Variants in PRPSAP1 observed in about 807,000 individuals in gnomAD.
PRPSAP1 encodes phosphoribosyl pyrophosphate synthase-associated protein 1.
PRPSAP1 carries 31 observed loss-of-function variants against 39.4 expected under a neutral mutation model. The ratio of observed to expected loss-of-function variants is 0.79; its 90% CI spans 0.59 to 1.06. The LOEUF (loss-of-function observed/expected upper bound fraction) is 1.06. PRPSAP1 is among the 50% of genes least tolerant of loss of function. PRPSAP1 has a pLI of 0.00. For missense variants in PRPSAP1, 430 were observed against 511.6 expected, an observed-to-expected ratio of 0.84 and a Z score of 1.54; for synonymous variants, 212 against 192.6, an observed-to-expected ratio of 1.10 and a Z score of -0.83.
At chr17:76,315,756 C>T (rs540881340) in intron 7 of PRPSAP1, among the ~76,000 whole-genome samples, 68 of 136,952 alleles carry the variant, frequency 5.0e-4, no homozygotes, top group African/African-American at 1.9e-3. Flanking sequence ...ACTCTGTCTC[C>T]CAGGCTGGAG....
At chr17:76,350,336 G>C (rs927243566) in intron 1 of PRPSAP1, among the ~76,000 whole-genome samples, 3 of 151,610 alleles carry the variant, frequency 2.0e-5, no homozygotes, top group Admixed American at 1.3e-4. Context: ...CTACTCGGGA[G>C]GCTGAGGCAG....
intron 3 of PRPSAP1, among the ~76,000 whole-genome samples, chr17:76,334,933 G>C (rs2071362920): frequency 6.6e-6 from 1 of 152,030 alleles, no homozygotes; most frequent in Non-Finnish European, 1.5e-5. Flanking sequence ...ACATATTTAG[G>C]GGGCAACTTG....
At chr17:76,337,120 A>G (rs1324105560) in intron 3 of PRPSAP1, among the ~76,000 whole-genome samples, 2 of 152,222 alleles carry the variant, frequency 1.3e-5, no homozygotes, top group East Asian at 1.9e-4. Flanking sequence ...AGGTCTCACC[A>G]TGTTGCCCAG....
At chr17:76,330,369 T>C (rs554058067) in intron 5 of PRPSAP1, 182 bp downstream of exon 5, 146 of 607,850 alleles carry the variant, frequency 2.4e-4, no homozygotes, top group Middle Eastern at 8.6e-4. Flanking sequence ...AAAAATCTGT[T>C]TTTAGTGTCT....
rs559578561 is a variant in PRPSAP1, at chr17:76,311,659, C to A, written c.1041G>T (p.Leu347=). ...CCACAGTCTTTATCTTGGGACATTG[C>A]AGCTTCTGAACCTCATGAGGGACAG... ...TNTVPHEVQK[L]QCPKIKTVDI... The change falls in exon 10 of 10, where the codon CTG becomes CTT. Residue 347 remains leucine, a synonymous_variant. Transcript: ENST00000446526. The A allele has an allele frequency of 1.9e-6, 3 of 1,614,080 alleles. No individual in the cohort carries two copies. Among genetic ancestry groups the A allele is most frequent in the East Asian group, 2.2e-5 (1 of 44,876 alleles).
In PRPSAP1 at chr17:76,347,484, C is replaced by CAAAAAAAAAAAAAAAAAAA. The variant is rs71161289; in HGVS notation, c.223+1026_223+1044dup. Among the ~76,000 whole-genome samples, 4 of 25,222 alleles carry CAAAAAAAAAAAAAAAAAAA rather than the reference C, an allele frequency of 1.6e-4. 1 individual carries two copies. Among genetic ancestry groups the CAAAAAAAAAAAAAAAAAAA allele is most frequent in the Non-Finnish European group, 2.5e-4 (3 of 12,150 alleles). 16.5% of individuals were successfully genotyped at this position (25,222 alleles called of 152,430 possible). A position where few individuals can be genotyped will look rare whatever the true frequency, so the allele number is the denominator to read the frequency against. On this transcript the variant is annotated intron_variant, in intron 2 of 9. Coordinates refer to ENST00000446526, the MANE Select transcript of PRPSAP1 (RefSeq NM_002766.3). The stretch of plus-strand genomic sequence containing the variant: ...CCTGGGTGACAGAGCAAGACTCCGT[C>CAAAAAAAAAAAAAAAAAAA]AAAAAAAAAAAAAAAAAAAAAAAAA...
Position 76,332,388 on chromosome 17 carries a change from A to G in PRPSAP1, c.338T>C (p.Leu113Pro). The part of the protein sequence containing the change: ...VMELLIMAYA[L>P]KTACARNIIG... ...AATGTTCCTGGCACAGGCAGTCTTC[A>G]GTGCGTAAGCCATGATGAGCAACTC... Residue 113 changes from leucine to proline, a missense_variant, in exon 4 of 10, where the codon CTG (leucine) becomes CCG (proline). This residue lies in a region of PRPSAP1 where 278 missense variants were observed against 376.3 expected (regional missense o/e 0.74). Transcript: ENST00000446526. The G allele has an allele frequency of 6.2e-7, 1 of 1,614,226 alleles. No individual in the cohort carries two copies. Among genetic ancestry groups the G allele is most frequent in the Non-Finnish European group, 8.5e-7 (1 of 1,180,050 alleles).
intron 1 of PRPSAP1, among the ~76,000 whole-genome samples, chr17:76,349,535 C>T (rs1315653397): frequency 7.2e-5 from 11 of 151,770 alleles, no homozygotes; most frequent in South Asian, 2.1e-4. Context: ...CTGAGGTGGG[C>T]GGATCACCTG....
At chr17:76,350,297 G>C (rs1172850903) in intron 1 of PRPSAP1, among the ~76,000 whole-genome samples, 4 of 151,886 alleles carry the variant, frequency 2.6e-5, no homozygotes, top group Non-Finnish European at 2.9e-5. Context: ...AAATTAGCCG[G>C]GCGTGGTGGA....
intron 7 of PRPSAP1, among the ~76,000 whole-genome samples, chr17:76,325,549 A>G (rs1340941401): frequency 6.7e-6 from 1 of 150,196 alleles, no homozygotes; most frequent in Non-Finnish European, 1.5e-5. Flanking sequence ...AGCCATCAAC[A>G]TCGAGGCAAG....
chr17:76,348,695 C>T, intron 1 of PRPSAP1, 114 bp from the exon 2 acceptor site: 1 of 775,328 alleles, frequency 1.3e-6, no homozygotes, highest in Non-Finnish European at 2.0e-6. Flanking sequence ...GCCATTCTTT[C>T]CAAAAAATAA....
intron 9 of PRPSAP1, 69 bp downstream of exon 9, chr17:76,312,801 C>G: frequency 6.5e-7 from 1 of 1,545,992 alleles, no homozygotes; most frequent in Non-Finnish European, 8.7e-7. Flanking sequence ...TTAGTATTGA[C>G]TGAATCATTT....
At chr17:76,344,591 G>C in intron 3 of PRPSAP1, 80 bp downstream of exon 3, 1 of 1,220,998 alleles carries the variant, frequency 8.2e-7, no homozygotes, top group Non-Finnish European at 1.2e-6. Flanking sequence ...AAAACACTAA[G>C]TTGTTGTTCA....
chr17:76,323,175 C>G, intron 7 of PRPSAP1, among the ~76,000 whole-genome samples: 1 of 88,006 alleles, frequency 1.1e-5, no homozygotes, highest in Non-Finnish European at 2.2e-5. Flanking sequence ...AACCCTGTCT[C>G]TATTAAAAAT....
rs73996330 is a variant in PRPSAP1 at position 76,318,748 on chromosome 17, T to A, written c.782-4857A>T. Among the ~76,000 whole-genome samples the A allele has an allele frequency of 3.6e-3, 544 of 152,174 alleles. 4 individuals carry two copies. The highest frequency in any genetic ancestry group is 0.013 in the African/African-American group (531 of 41,462). ...AACTGTGAAAGTTGCAATGTAAACATACCACTATGTCTAGAAGTAATGCAC... is the reference window on the plus strand; with the variant it reads ...AACTGTGAAAGTTGCAATGTAAACAAACCACTATGTCTAGAAGTAATGCAC... On this transcript the variant is annotated intron_variant, in intron 7 of 9. Coordinates refer to ENST00000446526, the MANE Select transcript of PRPSAP1 (RefSeq NM_002766.3).
chr17:76,315,305 T>C (rs927543150), intron 7 of PRPSAP1, among the ~76,000 whole-genome samples: 3 of 152,350 alleles, frequency 2.0e-5, no homozygotes, highest in Admixed American at 2.0e-4. Context: ...AACTTTGTTA[T>C]TATTCTGAAA....
chr17:76,348,624 T>C, intron 1 of PRPSAP1, 43 bp from the exon 2 acceptor site: 1 of 1,471,996 alleles, frequency 6.8e-7, no homozygotes, highest in Non-Finnish European at 9.0e-7. Context: ...AAGATTACTC[T>C]TTTTAAAAAA....
intron 3 of PRPSAP1, 81 bp from the exon 4 acceptor site, chr17:76,332,516 T>C (rs944778723): frequency 4.6e-6 from 7 of 1,510,512 alleles, no homozygotes; most frequent in African/African-American, 4.1e-5. Flanking sequence ...CAACTTAACA[T>C]GGGCTGCCCA....
At chr17:76,329,073 C>A in intron 6 of PRPSAP1, 6 of 466,628 alleles carry the variant, frequency 1.3e-5, no homozygotes, top group East Asian at 4.1e-5. Flanking sequence ...TGATTCTAGA[C>A]ATTTTTTTTT....
Sources: allele counts gnomAD v4.1 joint callset (sites outside exome capture counted in the v4.1 genomes callset), GRCh38; gene constraint gnomAD v4.1.1; regional missense constraint gnomAD v4.1.1; transcripts MANE v1.5; gene names NCBI Gene and HGNC (gene_info 2026-07-23, HGNC 2026-07-21).